The following ABHD3 variants were observed in gnomAD, a reference collection of about 807,000 sequenced individuals.
ABHD3 encodes the protein phospholipase ABHD3.
Under a neutral mutation model 48.8 loss-of-function variants are expected in ABHD3, and 46 were observed. That is an observed-to-expected ratio of 0.94 (90% CI 0.74 to 1.20). The LOEUF (loss-of-function observed/expected upper bound fraction) is 1.20. Among genes scored for constraint, ABHD3 ranks in the 50% most tolerant of loss-of-function variants. ABHD3 has a pLI of 0.00. For synonymous variants in ABHD3, 192 were observed against 183.7 expected, an observed-to-expected ratio of 1.04 and a Z score of -0.36; for missense variants, 490 against 497.8, an observed-to-expected ratio of 0.98 and a Z score of 0.15.
At position 21,659,352 on chromosome 18, in the gene ABHD3, G is replaced by A. The variant is rs1388922182; in HGVS notation, c.669-9C>T. The A allele has an allele frequency of 6.2e-7, 1 of 1,600,328 alleles. No homozygotes were observed. Among genetic ancestry groups the A allele is most frequent in the Non-Finnish European group, 8.5e-7 (1 of 1,175,066 alleles). On this transcript the variant is annotated splice_polypyrimidine_tract_variant and intron_variant, in intron 5 of 8. Transcript: ENST00000289119. ...AATTTAGAAGCAGCATTCTAAAATG[G>A]GGAGAAACAGGAAACTCAGTGATTA... is the stretch of plus-strand genomic sequence containing the variant.
At chr18:21,661,521 C>T (rs2039496493) in intron 5 of ABHD3, among the ~76,000 whole-genome samples, 1 of 151,842 alleles carries the variant, frequency 6.6e-6, no homozygotes, top group African/African-American at 2.4e-5. Context: ...ATCCTAGCTA[C>T]TCGTGAGGCT....
chr18:21,671,559 C>T (rs2039758264), intron 4 of ABHD3, among the ~76,000 whole-genome samples: 1 of 152,074 alleles, frequency 6.6e-6, no homozygotes, highest in Admixed American at 6.6e-5. Flanking sequence ...TAGATGAAAT[C>T]ACATCTAATC....
chr18:21,697,987 A>G (rs1316863919), intron 3 of ABHD3, among the ~76,000 whole-genome samples: 3 of 151,928 alleles, frequency 2.0e-5, no homozygotes, highest in African/African-American at 7.3e-5. Flanking sequence ...ACTCTCCCTA[A>G]ACCTTCAACC....
intron 3 of ABHD3, among the ~76,000 whole-genome samples, chr18:21,697,094 G>C (rs1316614857): frequency 3.9e-5 from 2 of 51,852 alleles, no homozygotes; most frequent in East Asian, 4.9e-4. Context: ...TTTTTTTTTT[G>C]AGCCAGAGTC....
intron 4 of ABHD3, among the ~76,000 whole-genome samples, chr18:21,665,191 TG>T (rs1216968528): frequency 6.6e-6 from 1 of 152,010 alleles, no homozygotes; most frequent in Non-Finnish European, 1.5e-5. Context: ...GTGATCCGCC[TG>T]CCTCAGCCTC....
chr18:21,697,665 G>A (rs2040404489), intron 3 of ABHD3, among the ~76,000 whole-genome samples: 1 of 152,224 alleles, frequency 6.6e-6, no homozygotes, highest in African/African-American at 2.4e-5. Flanking sequence ...AGAGGCCAGA[G>A]CCACCATGCC....
intron 4 of ABHD3, among the ~76,000 whole-genome samples, chr18:21,676,022 A>G (rs1395149098): frequency 6.6e-6 from 1 of 152,152 alleles, no homozygotes; most frequent in Non-Finnish European, 1.5e-5. Context: ...CTCTTCTTCT[A>G]CAGGCACTAA....
intron 5 of ABHD3, among the ~76,000 whole-genome samples, chr18:21,660,147 A>ATT (rs1303103294): frequency 1.3e-4 from 11 of 83,808 alleles, no homozygotes; most frequent in Non-Finnish European, 1.6e-4. Context: ...AAAAAAAAAA[A>ATT]TTTTTTTTTT....
At chr18:21,673,441 C>T (rs368845627) in intron 4 of ABHD3, among the ~76,000 whole-genome samples, 171 of 152,054 alleles carry the variant, frequency 1.1e-3, no homozygotes, top group Non-Finnish European at 2.0e-3. Flanking sequence ...TACAGACATG[C>T]ACCACCACAC....
intron 1 of ABHD3, 119 bp from the exon 2 acceptor site, chr18:21,703,866 G>A (rs1040355427): frequency 1.7e-6 from 2 of 1,151,636 alleles, no homozygotes; most frequent in African/African-American, 1.5e-5. Context: ...AACTCTTTCT[G>A]GAGGGCTGAC....
intron 5 of ABHD3, among the ~76,000 whole-genome samples, chr18:21,660,393 C>A (rs749954565): frequency 1.3e-5 from 2 of 152,024 alleles, no homozygotes; most frequent in African/African-American, 4.8e-5. Context: ...AACTTGTTTT[C>A]TCTTTCTATT....
At chr18:21,677,406 C>T (rs1300128785) in intron 4 of ABHD3, among the ~76,000 whole-genome samples, 11 of 151,010 alleles carry the variant, frequency 7.3e-5, no homozygotes, top group Admixed American at 3.3e-4. Context: ...AGGGTTTCAC[C>T]GTGTTAGCCA....
chr18:21,676,256 AG>A (rs1270203124), intron 4 of ABHD3, among the ~76,000 whole-genome samples: 1 of 152,252 alleles, frequency 6.6e-6, no homozygotes, highest in Non-Finnish European at 1.5e-5. Context: ...CACCAAACTT[AG>A]GTAAATCATT....
chr18:21,688,713 T>C (rs183815710), intron 3 of ABHD3, among the ~76,000 whole-genome samples: 7 of 152,182 alleles, frequency 4.6e-5, no homozygotes, highest in African/African-American at 1.7e-4. Flanking sequence ...ATGGGCAAAA[T>C]TGATTAAGAA....
chr18:21,652,046 C>T (rs905788838), intron 8 of ABHD3, among the ~76,000 whole-genome samples: 1 of 152,138 alleles, frequency 6.6e-6, no homozygotes, highest in African/African-American at 2.4e-5. Flanking sequence ...TACATCAAGT[C>T]TTACTTTGAG....
At chr18:21,654,916 T>A (rs2847130) in intron 8 of ABHD3, 2 of 152,188 alleles carry the variant, frequency 1.3e-5, no homozygotes, top group Non-Finnish European at 2.9e-5. Context: ...GAACTTTTTA[T>A]TGGTAAAAAG....
chr18:21,663,951 C>A (rs2039561687), intron 5 of ABHD3, 167 bp downstream of exon 5: 19 of 1,428,806 alleles, frequency 1.3e-5, no homozygotes, highest in Admixed American at 3.1e-5. Context: ...TGAATTAATT[C>A]TTTCCTTCCT....
chr18:21,660,302 C>T (rs546010272), intron 5 of ABHD3, among the ~76,000 whole-genome samples: 30 of 151,876 alleles, frequency 2.0e-4, no homozygotes, highest in African/African-American at 6.8e-4. Flanking sequence ...TGCCAAGGAT[C>T]CTTGCACCCT....
rs73963237 is a variant in ABHD3, at chr18:21,701,916, C to A, written c.509+400G>T. The A allele has an allele frequency of 9.2e-3, 1,415 of 153,864 alleles. 24 individuals carry two copies. Among genetic ancestry groups the A allele is most frequent in the African/African-American group, 0.032 (1,325 of 41,574 alleles). 9.5% of individuals were successfully genotyped at this position (153,864 alleles called of 1,614,324 possible). ...TTTGCACTTGGGAGCTGAGCCAGGG[C>A]GACAAGATTAGTGAATCCAGGCCCC... On this transcript the variant is annotated intron_variant, in intron 3 of 8. Coordinates refer to ENST00000289119, the MANE Select transcript of ABHD3 (RefSeq NM_138340.5).
Sources: gnomAD v4.1 joint callset for allele counts (sites outside exome capture counted in the v4.1 genomes callset) on GRCh38, gnomAD v4.1.1 for gene constraint, MANE v1.5 for transcripts, NCBI Gene and HGNC (gene_info 2026-07-23, HGNC 2026-07-21) for gene names.